LIMS1: variants seen among roughly 807,000 people sequenced by gnomAD.
LIMS1 encodes the protein LIM and senescent cell antigen-like-containing domain protein 1.
LIMS1 carries 18 observed loss-of-function variants against 44.1 expected under a neutral mutation model. That is an observed-to-expected ratio of 0.41 (90% confidence interval 0.28 to 0.61). The LOEUF is 0.61. Among genes scored for constraint, LIMS1 ranks in the 20% least tolerant of loss-of-function variants. The probability of loss-of-function intolerance (pLI) is 0.32; values close to 1 mark genes in which losing one functional copy is unlikely to be tolerated. For missense variants in LIMS1, 201 were observed against 422.0 expected, an observed-to-expected ratio of 0.48 and a Z score of 4.59; for synonymous variants, 93 against 149.1, an observed-to-expected ratio of 0.62 and a Z score of 2.74.
chr2:108,597,522 T>C (rs1388547646), intron 1 of LIMS1, among the ~76,000 whole-genome samples: 2 of 152,182 alleles, frequency 1.3e-5, no homozygotes, highest in Non-Finnish European at 1.5e-5. Context: ...TCAAGTTCTT[T>C]CCGGCAGGTT....
intron 1 of LIMS1, among the ~76,000 whole-genome samples, chr2:108,613,009 A>C (rs1481056673): frequency 6.6e-6 from 1 of 151,896 alleles, no homozygotes; most frequent in Non-Finnish European, 1.5e-5. Flanking sequence ...CTTTGAGTCA[A>C]ATCAACTTGG....
intron 1 of LIMS1, among the ~76,000 whole-genome samples, chr2:108,538,666 T>C (rs1471837364): frequency 1.3e-5 from 2 of 152,350 alleles, no homozygotes; most frequent in East Asian, 3.9e-4. Flanking sequence ...ATCATAGTCA[T>C]ACTATTCTGC....
chr2:108,546,344 G>A (rs940190245), intron 1 of LIMS1, among the ~76,000 whole-genome samples: 1 of 144,896 alleles, frequency 6.9e-6, no homozygotes, highest in Non-Finnish European at 1.5e-5. Flanking sequence ...GCAGTGGATC[G>A]ATCATAGCTC....
chr2:108,546,678 C>T (rs67983225), intron 1 of LIMS1, among the ~76,000 whole-genome samples: 2,677 of 88,688 alleles, frequency 0.03, 30 homozygotes, highest in African/African-American at 0.043. Flanking sequence ...TTTGAGTGAT[C>T]TTTTTTTTTT....
chr2:108,579,564 T>G (rs914857013), intron 1 of LIMS1, among the ~76,000 whole-genome samples: 5 of 152,236 alleles, frequency 3.3e-5, no homozygotes, highest in African/African-American at 9.6e-5. Flanking sequence ...TACAATGAAT[T>G]TAATATTGGA....
chr2:108,550,687 G>T (rs10084257), intron 1 of LIMS1, among the ~76,000 whole-genome samples: 5,031 of 151,178 alleles, frequency 0.033, 173 homozygotes, highest in South Asian at 0.14. Context: ...GTCGTGGCGG[G>T]TGCCTGTAGT....
chr2:108,640,991 T>G (rs1689634062), intron 1 of LIMS1, among the ~76,000 whole-genome samples: 1 of 152,176 alleles, frequency 6.6e-6, no homozygotes, highest in Admixed American at 6.5e-5. Flanking sequence ...TTCTGTGAGT[T>G]CAATTGTATT....
chr2:108,677,823 C>T (rs1385504714), intron 7 of LIMS1, among the ~76,000 whole-genome samples, 156 bp from the exon 8 acceptor site: 1 of 152,222 alleles, frequency 6.6e-6, no homozygotes, highest in African/African-American at 2.4e-5. Context: ...GAGTGAATTA[C>T]TTTCATTGTA....
At chr2:108,538,748 T>C (rs1403879321) in intron 1 of LIMS1, among the ~76,000 whole-genome samples, 2 of 152,258 alleles carry the variant, frequency 1.3e-5, no homozygotes, top group African/African-American at 4.8e-5. Flanking sequence ...TAACCATTTT[T>C]GAGTGTACAG....
intron 1 of LIMS1, among the ~76,000 whole-genome samples, chr2:108,565,788 G>A (rs959156657): frequency 2.0e-5 from 3 of 152,160 alleles, no homozygotes. Context: ...AGCAGGTTCA[G>A]TGTCTGGTGA....
chr2:108,594,011 T>C (rs1168893731), intron 1 of LIMS1, among the ~76,000 whole-genome samples: 1 of 152,090 alleles, frequency 6.6e-6, no homozygotes, highest in Non-Finnish European at 1.5e-5. Context: ...GTAACAAAGC[T>C]CCCTTTAAAT....
At chr2:108,545,424 G>A (rs1039804371) in intron 1 of LIMS1, among the ~76,000 whole-genome samples, 22 of 152,070 alleles carry the variant, frequency 1.4e-4, no homozygotes, top group Non-Finnish European at 2.6e-4. Context: ...TAGTAGAGAC[G>A]CGGTTTCACC....
intron 1 of LIMS1, among the ~76,000 whole-genome samples, chr2:108,536,311 A>G (rs765888865): frequency 2.8e-4 from 43 of 152,242 alleles, no homozygotes; most frequent in South Asian, 1.4e-3. Context: ...CTATTAAACA[A>G]TAATTCTCCA....
At chr2:108,575,033 G>T (rs1036849478) in intron 1 of LIMS1, among the ~76,000 whole-genome samples, 1 of 152,072 alleles carries the variant, frequency 6.6e-6, no homozygotes, top group Non-Finnish European at 1.5e-5. Context: ...ATTCATATAA[G>T]TGTCCTTTGA....
At chr2:108,615,748 G>T (rs1573455953) in intron 1 of LIMS1, among the ~76,000 whole-genome samples, 2 of 152,166 alleles carry the variant, frequency 1.3e-5, no homozygotes, top group African/African-American at 4.8e-5. Flanking sequence ...CTTAGTCAGG[G>T]AGTCATGTTG....
At chr2:108,635,244 A>G (rs879823080) in intron 1 of LIMS1, among the ~76,000 whole-genome samples, 8 of 151,960 alleles carry the variant, frequency 5.3e-5, no homozygotes, top group Admixed American at 6.6e-5. Context: ...CAGCCTAGCC[A>G]ACATGGTGAA....
intron 1 of LIMS1, among the ~76,000 whole-genome samples, chr2:108,636,234 A>G (rs1689241400): frequency 6.6e-6 from 1 of 152,184 alleles, no homozygotes; most frequent in Non-Finnish European, 1.5e-5. Flanking sequence ...ATTGCTGGAA[A>G]TCCTCCTTTC....
intron 1 of LIMS1, among the ~76,000 whole-genome samples, chr2:108,614,124 C>T (rs1687806694): frequency 6.6e-6 from 1 of 152,172 alleles, no homozygotes; most frequent in Admixed American, 6.5e-5. Flanking sequence ...GTTTCTTATA[C>T]TTGGCTGATG....
intron 1 of LIMS1, among the ~76,000 whole-genome samples, chr2:108,636,867 C>A (rs1001934071): frequency 1.3e-5 from 2 of 152,018 alleles, no homozygotes; most frequent in Non-Finnish European, 2.9e-5. Context: ...GTGACTGAGG[C>A]CCCTGGGAGA....
Sources: gnomAD v4.1 joint callset for allele counts (sites outside exome capture counted in the v4.1 genomes callset) on GRCh38, gnomAD v4.1.1 for gene constraint, MANE v1.5 for transcripts, NCBI Gene and HGNC (gene_info 2026-07-23, HGNC 2026-07-21) for gene names.